INTS6: variants seen among roughly 807,000 people sequenced by gnomAD.
INTS6 encodes integrator complex subunit 6.
In INTS6, 16 loss-of-function variants were observed where a neutral mutation model predicts 104.9. That is an observed-to-expected ratio of 0.15 (90% CI 0.10 to 0.23). The LOEUF (loss-of-function observed/expected upper bound fraction) is 0.23. INTS6 is among the 10% of genes least tolerant of loss of function. The probability of loss-of-function intolerance (pLI) is 1.00; values close to 1 mark genes in which losing one functional copy is unlikely to be tolerated. For synonymous variants in INTS6, 324 were observed against 358.7 expected, an observed-to-expected ratio of 0.90 and a Z score of 1.09; for missense variants, 584 against 1,062.8, an observed-to-expected ratio of 0.55 and a Z score of 6.26.
chr13:51,401,479 GAGTTTCATA>G (rs1266401127), intron 4 of INTS6, among the ~76,000 whole-genome samples: 2 of 152,114 alleles, frequency 1.3e-5, no homozygotes, highest in Non-Finnish European at 2.9e-5. Context: ...GATGGGATAA[GAGTTTCATA>G]AGAGCTGTTT....
At position 51,452,335 on chromosome 13, in the gene INTS6, C is replaced by T; in HGVS notation, c.111+80G>A. On this transcript the variant is annotated intron_variant, in intron 1 of 17. Transcript: ENST00000311234. The surrounding 1 kb of genome is among the most constrained non-coding windows in gnomAD (Gnocchi z 4.2). Reference sequence around the variant, plus strand: ...TCCCGCAGTCAGGTCCCCGACACCCCCGCCCCGGCCGCCCTCCCCCACCCT... The same window carrying T: ...TCCCGCAGTCAGGTCCCCGACACCCTCGCCCCGGCCGCCCTCCCCCACCCT... 7.9e-7 allele frequency: 1 copy of T among 1,271,904 alleles called. No individual in the cohort carries two copies. Among genetic ancestry groups the T allele is most frequent in the Non-Finnish European group, 9.9e-7 (1 of 1,006,648 alleles). 78.8% of individuals were successfully genotyped at this position (1,271,904 alleles called of 1,614,324 possible). A position where few individuals can be genotyped will look rare whatever the true frequency, so the allele number is the denominator to read the frequency against.
chr13:51,344,497 C>T, the INTS6 span: 2 of 1,547,042 alleles, frequency 1.3e-6, no homozygotes, highest in South Asian at 2.4e-5. Context: ...TAAAAGAAAA[C>T]TGTACATTTC....
At chr13:51,339,947 A>AGG in the INTS6 span, among the ~76,000 whole-genome samples, 2 of 152,178 alleles carry the variant, frequency 1.3e-5, no homozygotes, top group Non-Finnish European at 2.9e-5. Context: ...AGAGAGAGAG[A>AGG]GAGCCCTATG....
At chr13:51,418,813 A>C (rs559625236) in intron 4 of INTS6, among the ~76,000 whole-genome samples, 29 of 152,296 alleles carry the variant, frequency 1.9e-4, no homozygotes, top group African/African-American at 6.7e-4. Context: ...AAGTCTTTCT[A>C]ATTTTTTAAC....
chr13:51,445,009 T>G (rs1182527243), intron 3 of INTS6: 1 of 152,198 alleles, frequency 6.6e-6, no homozygotes, highest in Non-Finnish European at 1.5e-5. Context: ...TACTTTGAGC[T>G]CAGTTAAATC....
intron 4 of INTS6, among the ~76,000 whole-genome samples, chr13:51,418,164 T>C (rs1956828338): frequency 6.6e-6 from 1 of 152,218 alleles, no homozygotes; most frequent in African/African-American, 2.4e-5. Context: ...AAGAAAGTAA[T>C]ACAGTAACAG....
At chr13:51,416,254 A>G (rs1249002894) in intron 4 of INTS6, among the ~76,000 whole-genome samples, 1 of 152,212 alleles carries the variant, frequency 6.6e-6, no homozygotes, top group Non-Finnish European at 1.5e-5. Context: ...GAGAGTAAAG[A>G]TACAAGTTCT....
In INTS6 at chr13:51,376,052, G is replaced by A. The variant is rs750745832; in HGVS notation, c.1725C>T (p.Asp575=). 27 of 1,607,288 alleles carry A rather than the reference G, an allele frequency of 1.7e-5. No homozygotes were observed. Among genetic ancestry groups the A allele is most frequent in the Middle Eastern group, 2.2e-4 (1 of 4,636 alleles). ...KSTRRFLKGQ[D]EDQVHSVPIA... ...GTATTGAAACTATGTTCTAACCTTC[G>A]TCCTGTCCTTTCAGAAATCTGCGAG... The change falls in exon 13 of 18, where the codon GAC becomes GAT. Residue 575 remains aspartate, a synonymous_variant. Coordinates refer to ENST00000311234, the MANE Select transcript of INTS6 (RefSeq NM_012141.3).
intron 15 of INTS6, among the ~76,000 whole-genome samples, chr13:51,373,065 A>G (rs527337369): frequency 3.2e-4 from 49 of 152,194 alleles, no homozygotes; most frequent in African/African-American, 2.4e-5. Flanking sequence ...TTTTTCCAGG[A>G]AAAAAACCCA....
intron 17 of INTS6, among the ~76,000 whole-genome samples, chr13:51,367,424 G>A (rs1016885122): frequency 4.6e-5 from 7 of 151,692 alleles, no homozygotes; most frequent in Admixed American, 4.6e-4. Context: ...CCTTAATTAC[G>A]TTTTCCCATG....
chr13:51,341,464 T>TA, the INTS6 span: 2 of 1,012,896 alleles, frequency 2.0e-6, no homozygotes, highest in Non-Finnish European at 2.9e-6. Flanking sequence ...CTGCTGCTCA[T>TA]ACTCACACTC....
At position 51,362,205 on chromosome 13, in the gene INTS6, A is replaced by C; in HGVS notation, c.*3547T>G. The C allele has an allele frequency of 3.1e-6, 2 of 641,448 alleles. No individual in the cohort carries two copies. Among genetic ancestry groups the C allele is most frequent in the South Asian group, 5.9e-5 (2 of 33,658 alleles). 39.7% of individuals were successfully genotyped at this position (641,448 alleles called of 1,614,324 possible). On this transcript the variant is annotated 3_prime_UTR_variant, in exon 18 of 18. Transcript: ENST00000311234. Reference sequence around the variant, plus strand: ...TGGAAAAATCATGAAAGTAAAATAAATTATAAATCTTGCCCTTTTTTCCCT... The same window carrying C: ...TGGAAAAATCATGAAAGTAAAATAACTTATAAATCTTGCCCTTTTTTCCCT...
intron 4 of INTS6, among the ~76,000 whole-genome samples, chr13:51,422,837 A>G (rs1315926416): frequency 1.3e-5 from 2 of 152,042 alleles, no homozygotes; most frequent in African/African-American, 4.8e-5. Context: ...CAGGTGTACA[A>G]TTTATAATCT....
At position 51,361,913 on chromosome 13, in the gene INTS6, C is replaced by CA; in HGVS notation, c.*3838dup. ...ACACAGGTATTACAGTATTTTTTGA[C>CA]AGGATTCAGATAATTTATCAGTGTC... On this transcript the variant is annotated 3_prime_UTR_variant, in exon 18 of 18. Coordinates refer to ENST00000311234, the MANE Select transcript of INTS6 (RefSeq NM_012141.3). The CA allele has an allele frequency of 6.2e-7, 1 of 1,611,688 alleles. No individual in the cohort carries two copies. Among genetic ancestry groups the CA allele is most frequent in the Non-Finnish European group, 8.5e-7 (1 of 1,178,494 alleles).
At chr13:51,337,396 A>G in the INTS6 span, among the ~76,000 whole-genome samples, 248 of 152,376 alleles carry the variant, frequency 1.6e-3, no homozygotes, top group African/African-American at 5.8e-3. Flanking sequence ...GCTGGGCCTC[A>G]TAGCAGTCTA....
At chr13:51,450,086 C>T (rs1953003720) in intron 3 of INTS6, 3 of 985,248 alleles carry the variant, frequency 3.0e-6, no homozygotes, top group South Asian at 4.7e-5. Flanking sequence ...CTGAAATGTA[C>T]GAAACTCACA....
the INTS6 span, chr13:51,348,089 G>A: frequency 1.0e-5 from 7 of 701,932 alleles, no homozygotes; most frequent in African/African-American, 1.3e-4. Context: ...CGCCTCCTGA[G>A]GGTGAGGTGG....
chr13:51,416,053 A>G (rs1956781343), intron 4 of INTS6, among the ~76,000 whole-genome samples: 1 of 152,230 alleles, frequency 6.6e-6, no homozygotes, highest in Admixed American at 6.5e-5. Context: ...GAAAAACTAA[A>G]AAGCAAATTT....
downstream of INTS6, among the ~76,000 whole-genome samples, chr13:51,353,275 A>C (rs1955427885): frequency 6.6e-6 from 1 of 152,212 alleles, no homozygotes; most frequent in South Asian, 2.1e-4. Context: ...AATAGCCCTT[A>C]ATTAACTCTT....
Sources: gnomAD v4.1 joint callset for allele counts (sites outside exome capture counted in the v4.1 genomes callset) on GRCh38, gnomAD v4.1.1 for gene constraint, Gnocchi (gnomAD v3.1) non-coding constraint, MANE v1.5 for transcripts, NCBI Gene and HGNC (gene_info 2026-07-23, HGNC 2026-07-21) for gene names.